ARHGEF3: variants seen among roughly 807,000 people sequenced by gnomAD.
ARHGEF3 encodes Rho guanine nucleotide exchange factor 3.
ARHGEF3 carries 28 observed loss-of-function variants against 63.2 expected under a neutral mutation model. The observed-to-expected ratio is 0.44, with a 90% CI of 0.33 to 0.61. The LOEUF is 0.61. Ranked by LOEUF, ARHGEF3 falls within the 20% of genes least tolerant of loss-of-function variation. The probability of loss-of-function intolerance (pLI) is 0.03; values close to 1 mark genes in which losing one functional copy is unlikely to be tolerated. For missense variants in ARHGEF3, 533 were observed against 659.3 expected, an observed-to-expected ratio of 0.81 and a Z score of 2.10; for synonymous variants, 266 against 254.2, an observed-to-expected ratio of 1.05 and a Z score of -0.44.
At chr3:57,057,857 C>T (rs923720287) in intron 1 of ARHGEF3, among the ~76,000 whole-genome samples, 1 of 152,144 alleles carries the variant, frequency 6.6e-6, no homozygotes, top group African/African-American at 2.4e-5. Flanking sequence ...AACTGGGGGG[C>T]TTAATTCTTG....
intron 4 of ARHGEF3, among the ~76,000 whole-genome samples, chr3:56,847,281 G>GC (rs1207824971): frequency 2.0e-5 from 3 of 152,132 alleles, no homozygotes; most frequent in Non-Finnish European, 4.4e-5. Context: ...CTGTCTTGGA[G>GC]CCAATTCAAC....
At chr3:56,767,550 C>T (rs2035774139) in intron 2 of ARHGEF3, among the ~76,000 whole-genome samples, 1 of 137,254 alleles carries the variant, frequency 7.3e-6, no homozygotes. Context: ...CGCCACTGCA[C>T]TCCAGCCTGG....
intron 1 of ARHGEF3, among the ~76,000 whole-genome samples, chr3:56,791,398 G>A (rs2107918769): frequency 6.6e-6 from 1 of 152,174 alleles, no homozygotes; most frequent in African/African-American, 2.4e-5. Context: ...AGCCATGATT[G>A]TGCCACTGCA....
chr3:56,986,337 G>C (rs538703510), intron 2 of ARHGEF3, among the ~76,000 whole-genome samples: 1 of 152,314 alleles, frequency 6.6e-6, no homozygotes, highest in East Asian at 1.9e-4. Context: ...TCTAGTCTCT[G>C]AGACTGAAGG....
At chr3:56,990,234 AAGCAAATGGAAGGAGAACTTT>A (rs1428959214) in intron 2 of ARHGEF3, among the ~76,000 whole-genome samples, 2 of 152,210 alleles carry the variant, frequency 1.3e-5, no homozygotes, top group Non-Finnish European at 2.9e-5. Context: ...TTCTGGGGCA[AAGCAAATGGAAGGAGAACTTT>A]AGCAGAGTCC....
intron 1 of ARHGEF3, among the ~76,000 whole-genome samples, chr3:57,065,259 C>T (rs567299215): frequency 1.3e-5 from 2 of 152,214 alleles, no homozygotes; most frequent in South Asian, 4.1e-4. Context: ...GTCAGGAGTT[C>T]GACACCAGCC....
intron 7 of ARHGEF3, among the ~76,000 whole-genome samples, chr3:56,739,097 A>G (rs1050524167): frequency 6.6e-6 from 1 of 152,126 alleles, no homozygotes; most frequent in African/African-American, 2.4e-5. Flanking sequence ...TCCGTCTCAA[A>G]AAATTAAAAA....
intron 4 of ARHGEF3, among the ~76,000 whole-genome samples, chr3:56,809,446 G>T (rs1479063498): frequency 1.3e-5 from 2 of 152,002 alleles, no homozygotes; most frequent in Admixed American, 1.3e-4. Flanking sequence ...AACCCTAAGG[G>T]GTTTAATTTA....
chr3:56,757,816 G>A (rs190205411), intron 2 of ARHGEF3, among the ~76,000 whole-genome samples: 2,249 of 151,388 alleles, frequency 0.015, 42 homozygotes, highest in African/African-American at 0.051. Context: ...TCCGCCTCCC[G>A]GGTTCACACC....
At chr3:57,014,703 C>CATAT (rs1702906756) in intron 2 of ARHGEF3, among the ~76,000 whole-genome samples, 1 of 144,804 alleles carries the variant, frequency 6.9e-6, no homozygotes, top group Non-Finnish European at 1.5e-5. Flanking sequence ...TTTTTTGAGA[C>CATAT]AGAGTCTCGC....
intron 1 of ARHGEF3, among the ~76,000 whole-genome samples, chr3:56,780,579 T>C (rs1451606728): frequency 6.6e-6 from 1 of 152,262 alleles, no homozygotes; most frequent in Non-Finnish European, 1.5e-5. Flanking sequence ...GGATCTAATC[T>C]AGAATCCAAA....
intron 1 of ARHGEF3, among the ~76,000 whole-genome samples, chr3:56,795,400 G>A (rs547789658): frequency 6.6e-6 from 1 of 152,170 alleles, no homozygotes; most frequent in South Asian, 2.1e-4. Context: ...AGCCTGTTTT[G>A]CTACTCCTTT....
At chr3:56,820,108 C>T (rs1206526312) in intron 4 of ARHGEF3, among the ~76,000 whole-genome samples, 5 of 152,200 alleles carry the variant, frequency 3.3e-5, no homozygotes, top group African/African-American at 1.2e-4. Context: ...CTGCACTCAG[C>T]CTAAGCTAAT....
chr3:57,039,208 CT>C lies in ARHGEF3; in HGVS notation c.-27-4033del, dbSNP rs747887233. On this transcript the variant is annotated intron_variant, in intron 1 of 12. Transcript: ENST00000338458. ...CAGGATCAGCACCCATTGGTATTTG[CT>C]GATACCTCCTGCATCAACCTCCTGC... is the stretch of plus-strand genomic sequence containing the variant. Among the ~76,000 whole-genome samples, 12 of 152,196 alleles carry C rather than the reference CT, an allele frequency of 7.9e-5. 1 individual carries two copies. Among genetic ancestry groups the C allele is most frequent in the Admixed American group, 5.9e-4 (9 of 15,286 alleles).
At chr3:56,801,962 C>T (rs1468423750), upstream of ARHGEF3, 3 of 1,359,118 alleles carry the variant, frequency 2.2e-6, no homozygotes, top group South Asian at 3.7e-5. Flanking sequence ...GCTCCGGAGC[C>T]GAGTGGGCGG....
At chr3:56,797,649 C>G (rs2037439796) in intron 1 of ARHGEF3, among the ~76,000 whole-genome samples, 1 of 152,162 alleles carries the variant, frequency 6.6e-6, no homozygotes, top group South Asian at 2.1e-4. Context: ...AGCTGGCATT[C>G]AAGAAGTACA....
chr3:56,877,083 A>G (rs72624858), intron 4 of ARHGEF3, among the ~76,000 whole-genome samples: 29,008 of 152,182 alleles, frequency 0.19, 3,668 homozygotes, highest in East Asian at 0.51. Flanking sequence ...AGAGATTGTA[A>G]AAATATTCAT....
At chr3:56,967,147 G>A (rs1578974834) in intron 2 of ARHGEF3, among the ~76,000 whole-genome samples, 1 of 146,692 alleles carries the variant, frequency 6.8e-6, no homozygotes, top group Admixed American at 7.0e-5. Flanking sequence ...ACAGGCATGA[G>A]CCACCGCGCC....
At position 56,818,907 on chromosome 3, in the gene ARHGEF3, A is replaced by G. The variant is rs543643024; in HGVS notation, c.193-45091T>C. On this transcript the variant is annotated intron_variant, in intron 4 of 12. Coordinates refer to the ARHGEF3 transcript ENST00000338458. ...CCACAAGAAAGAATAAAGAGAGAGG[A>G]AAGAAGGTAACGAAAAAAACTATTT... Among the ~76,000 whole-genome samples, 20 of 152,312 alleles carry G rather than the reference A, an allele frequency of 1.3e-4. No individual in the cohort carries two copies. The South Asian group carries it at 4.1e-3, about 32-fold the overall frequency.
Sources: allele counts gnomAD v4.1 joint callset (sites outside exome capture counted in the v4.1 genomes callset), GRCh38; gene constraint gnomAD v4.1.1; transcripts MANE v1.5; gene names NCBI Gene and HGNC (gene_info 2026-07-23, HGNC 2026-07-21).